MAPK12: variants seen among roughly 807,000 people sequenced by gnomAD.
MAPK12 encodes the protein MAP kinase 12.
MAPK12 carries 49 observed loss-of-function variants against 49.1 expected under a neutral mutation model. The ratio of observed to expected loss-of-function variants is 1.00; its 90% confidence interval spans 0.79 to 1.27. MAPK12 has a LOEUF of 1.27. Ranked by LOEUF, MAPK12 falls within the 50% of genes most tolerant of loss-of-function variation. MAPK12 has a pLI of 0.00. For missense variants in MAPK12, 554 were observed against 502.4 expected, an observed-to-expected ratio of 1.10 and a Z score of -0.98; for synonymous variants, 251 against 209.7, an observed-to-expected ratio of 1.20 and a Z score of -1.70.
intron 11 of MAPK12, chr22:50,254,728 A>T: frequency 9.3e-7 from 1 of 1,073,682 alleles, no homozygotes; most frequent in Non-Finnish European, 1.1e-6. Context: ...GGACAAGCGG[A>T]CGTGGTGAGG....
intron 9 of MAPK12, 37 bp downstream of exon 9, chr22:50,255,578 G>GGCCCCCCCCCCCCCCCCC: frequency 1.3e-6 from 2 of 1,582,014 alleles, no homozygotes; most frequent in Non-Finnish European, 1.7e-6. Context: ...GCCCAGGTCC[G>GGCCCCCCCCCCCCCCCCC]CCCCCACCCC....
chr22:50,256,892 C>A (rs912413824), intron 5 of MAPK12, 43 bp downstream of exon 5: 2 of 1,596,458 alleles, frequency 1.3e-6, no homozygotes, highest in Non-Finnish European at 1.7e-6. Context: ...GGGGGGATTG[C>A]ACTGGGGGAG....
chr22:50,254,992 C>T (rs1277612954), intron 11 of MAPK12: 1 of 1,452,496 alleles, frequency 6.9e-7, no homozygotes. Context: ...CTCACCTGAC[C>T]TGCATCCCAG....
chr22:50,253,902 G>A (rs56184713), intron 11 of MAPK12: 16 of 199,638 alleles, frequency 8.0e-5, no homozygotes, highest in East Asian at 2.8e-4. Context: ...ACCCGTGGTC[G>A]TAAGGAGCAC....
Position 50,261,471 on chromosome 22 carries a change from GC to G in MAPK12, c.38del (p.Arg13ProfsTer4). 7.8e-7 allele frequency: 1 copy of G among 1,279,232 alleles called. No individual in the cohort carries two copies. Among genetic ancestry groups the G allele is most frequent in the South Asian group, 1.6e-5 (1 of 62,096 alleles). The allele number at this position is 1,279,232 out of a possible 1,614,324, so 79.2% of individuals were successfully genotyped here. A position where few individuals can be genotyped will look rare whatever the true frequency, so the allele number is the denominator to read the frequency against. ...SPPPARSGFY[R>X]QEVTKTAWEV... Reference sequence around the variant, plus strand: ...CCCAGGCCGTCTTGGTCACCTCCTGGCGGTAAAAGCCACTGCGGGCGGGCGG... The same window carrying G: ...CCCAGGCCGTCTTGGTCACCTCCTGGGGTAAAAGCCACTGCGGGCGGGCGG... On this transcript the variant is annotated frameshift_variant, in exon 1 of 12. Transcript: ENST00000215659. LOFTEE classifies it high-confidence loss of function.
Position 50,261,425 on chromosome 22 carries a change from C to G in MAPK12, c.85G>C (p.Asp29His). Residue 29 changes from aspartate to histidine, a missense_variant, in exon 1 of 12, where the codon GAC becomes CAC. Physicochemically the swap from Asp to His is moderately conservative, Grantham distance 81. Transcript: ENST00000215659. ...TAWEVRAVYR[D>H]LQPVGSGAYG... ...GCGCCCGAGCCCACGGGCTGCAGGTCCCGGTACACGGCGCGCACCTCCCAG... is the reference window on the plus strand; with the variant it reads ...GCGCCCGAGCCCACGGGCTGCAGGTGCCGGTACACGGCGCGCACCTCCCAG... 1 of 1,261,148 alleles carries G rather than the reference C, an allele frequency of 7.9e-7. No homozygotes were observed. The highest frequency in any genetic ancestry group is 1.0e-6 in the Non-Finnish European group (1 of 980,442). The allele number at this position is 1,261,148 out of a possible 1,614,324, so 78.1% of individuals were successfully genotyped here.
In MAPK12 at chr22:50,258,775, C is replaced by T. The variant is rs533983383; in HGVS notation, c.256-474G>A. The stretch of plus-strand genomic sequence containing the variant: ...CAGCACCCCTGGTTGGGGAGATAGA[C>T]AGTAGACAGGTCATGTGACAACTGC... On this transcript the variant is annotated intron_variant, in intron 2 of 11. Transcript: ENST00000215659. Among the ~76,000 whole-genome samples, 5 of 152,362 alleles carry T rather than the reference C, an allele frequency of 3.3e-5. 1 individual carries two copies. Among genetic ancestry groups the T allele is most frequent in the African/African-American group, 1.2e-4 (5 of 41,588 alleles).
chr22:50,253,501 G>GGGGGGGGGGGGGGGGGGGGGA, intron 11 of MAPK12, 21 bp from the exon 12 acceptor site: 1 of 354,170 alleles, frequency 2.8e-6, no homozygotes, highest in Non-Finnish European at 5.6e-6. Flanking sequence ...TGGGGGGGCG[G>GGGGGGGGGGGGGGGGGGGGGA]GCACAACAGA....
At chr22:50,257,974 C>A (rs1158896590) in intron 3 of MAPK12, 1 of 761,222 alleles carries the variant, frequency 1.3e-6, no homozygotes, top group Admixed American at 1.8e-5. Context: ...GTCCAAGGTT[C>A]ACACCTCCGG....
At chr22:50,260,565 G>A (rs1298806568) in intron 2 of MAPK12, among the ~76,000 whole-genome samples, 2 of 152,146 alleles carry the variant, frequency 1.3e-5, no homozygotes, top group East Asian at 1.9e-4. Context: ...CCCCCACAAC[G>A]CACAGGAGGG....
chr22:50,257,409 C>T (rs1028079569), intron 3 of MAPK12, among the ~76,000 whole-genome samples: 2 of 152,216 alleles, frequency 1.3e-5, no homozygotes, highest in African/African-American at 4.8e-5. Flanking sequence ...GCCAGCAGCG[C>T]TCACACCCCC....
At chr22:50,256,472 C>T (rs2065151463) in intron 6 of MAPK12, 127 bp downstream of exon 6, 1 of 1,264,776 alleles carries the variant, frequency 7.9e-7, no homozygotes, top group Admixed American at 2.3e-5. Flanking sequence ...ACCCACCCAC[C>T]AGCTCCTCAG....
intron 2 of MAPK12, among the ~76,000 whole-genome samples, chr22:50,259,454 C>T (rs749887723): frequency 6.6e-6 from 1 of 152,124 alleles, no homozygotes; most frequent in African/African-American, 2.4e-5. Context: ...GAGCAAGGCA[C>T]GTGGCCTCAC....
rs761173302 is a variant in MAPK12, at chr22:50,256,598, C to CCTTCAGCTCACAGT, written c.491_504dup (p.Ile169ThrfsTer4). On this transcript the variant is annotated stop_gained and frameshift_variant and splice_region_variant. Transcript: ENST00000215659. LOFTEE classifies it high-confidence loss of function. ...AGGGCCCCCTGCCAGGCAGCACACA[C>CCTTCAGCTCACAGT]CTTCAGCTCACAGTCTTCGTTCACA... The CCTTCAGCTCACAGT allele has an allele frequency of 5.7e-5, 92 of 1,611,508 alleles. No homozygotes were observed. The highest frequency in any genetic ancestry group is 2.3e-5 in the Non-Finnish European group (27 of 1,179,144).
Position 50,257,169 on chromosome 22 carries a change from G to A in MAPK12, c.339C>T (p.Gly113=), listed in dbSNP as rs752939144. The A allele has an allele frequency of 2.2e-5, 35 of 1,612,582 alleles. No homozygotes were observed. In the African/African-American group the frequency reaches 2.5e-4, roughly 12 times the overall value. Residue 113 remains glycine, a synonymous_variant, in exon 4 of 12, where the codon GGC becomes GGT. Coordinates refer to ENST00000215659, the MANE Select transcript of MAPK12 (RefSeq NM_002969.6). ...GTTTCATGAGCTTGCCCAGGTCGGTGCCCATGAACGGCATCACCAGGTAAC... is the reference window on the plus strand; with the variant it reads ...GTTTCATGAGCTTGCCCAGGTCGGTACCCATGAACGGCATCACCAGGTAAC... The part of the protein sequence containing the change: ...TDFYLVMPFM[G]TDLGKLMKHE...
rs948142139 is a variant in MAPK12, at chr22:50,256,347, G to A, written c.505-148C>T. 6.7e-5 allele frequency: 50 copies of A among 742,634 alleles called. No homozygotes were observed. The East Asian group carries it at 1.1e-3, about 16-fold the overall frequency. The allele number at this position is 742,634 out of a possible 1,614,324, so 46.0% of individuals were successfully genotyped here. ...TTCAAGGACTTGAGGCCACGCCCTC[G>A]GACCCCAAACTGCCCCGAGCTCCTC... is the stretch of plus-strand genomic sequence containing the variant. On this transcript the variant is annotated intron_variant, in intron 6 of 11. Coordinates refer to ENST00000215659, the MANE Select transcript of MAPK12 (RefSeq NM_002969.6).
At chr22:50,258,545 C>A (rs148879163) in intron 2 of MAPK12, among the ~76,000 whole-genome samples, 1 of 152,222 alleles carries the variant, frequency 6.6e-6, no homozygotes, top group African/African-American at 2.4e-5. Flanking sequence ...CGGTGACAAC[C>A]GGGATCTTCT....
chr22:50,256,188 G>T lies in MAPK12; in HGVS notation c.516C>A (p.Phe172Leu). The T allele has an allele frequency of 6.2e-7, 1 of 1,612,124 alleles. No individual in the cohort carries two copies. The highest frequency in any genetic ancestry group is 8.5e-7 in the Non-Finnish European group (1 of 1,179,432). Residue 172 changes from phenylalanine (F) to leucine (L), a missense_variant, in exon 7 of 12, where the codon TTC becomes TTA. Transcript: ENST00000215659. The stretch of plus-strand genomic sequence containing the variant: ...CACTGTCTGCCTGCCTGGCCAGGCC[G>T]AAGTCCAGGATCTGTGGGAAGAATT... ...NEDCELKILD[F>L]GLARQADSEM...
At chr22:50,260,735 G>A (rs77551271) in intron 2 of MAPK12, 3,164 of 155,524 alleles carry the variant, frequency 0.02, 38 homozygotes, top group Middle Eastern at 0.053. Flanking sequence ...ATGGACAGCA[G>A]CAGAGTGGGC....
Sources: gnomAD v4.1 joint callset for allele counts (sites outside exome capture counted in the v4.1 genomes callset) on GRCh38, gnomAD v4.1.1 for gene constraint, MANE v1.5 for transcripts, NCBI Gene and HGNC (gene_info 2026-07-23, HGNC 2026-07-21) for gene names.